The following HIPK3 variants were observed in gnomAD, a reference collection of about 807,000 sequenced individuals.
HIPK3 encodes homeodomain interacting protein kinase 3.
Under a neutral mutation model 124.2 loss-of-function variants are expected in HIPK3, and 47 were observed. The observed-to-expected ratio is 0.38, with a 90% CI of 0.30 to 0.48. HIPK3 has a LOEUF of 0.48. HIPK3 is among the 20% of genes least tolerant of loss of function. The pLI is 0.98. For missense variants in HIPK3, 1,286 were observed against 1,454.3 expected (o/e 0.88, Z 1.88); for synonymous variants, 482 against 515.2 (o/e 0.94, Z 0.87).
chr11:33,306,098 T>C (rs1011618718), intron 2 of HIPK3, among the ~76,000 whole-genome samples: 18 of 152,354 alleles, frequency 1.2e-4, no homozygotes, highest in African/African-American at 3.8e-4. Context: ...TTCGTCTAAC[T>C]TAATTTATAG....
At chr11:33,291,725 TTTTCTTTTTCTTTC>T in intron 2 of HIPK3, among the ~76,000 whole-genome samples, 1 of 152,092 alleles carries the variant, frequency 6.6e-6, no homozygotes, top group Non-Finnish European at 1.5e-5. Flanking sequence ...ATGAATTTCT[TTTTCTTTTTCTTTC>T]TTTCTTTTTA....
At chr11:33,317,985 G>A (rs1376720004) in intron 2 of HIPK3, among the ~76,000 whole-genome samples, 1 of 152,144 alleles carries the variant, frequency 6.6e-6, no homozygotes, top group Non-Finnish European at 1.5e-5. Flanking sequence ...GTATTTTAGA[G>A]GATGTCTATG....
At position 33,348,932 on chromosome 11, in the gene HIPK3, T is replaced by G. The variant is rs554693785; in HGVS notation, c.2666+114T>G. 2.9e-5 allele frequency: 30 copies of G among 1,043,906 alleles called. No individual in the cohort carries two copies. The African/African-American group carries it at 3.5e-4, about 12-fold the overall frequency. 64.7% of individuals were successfully genotyped at this position (1,043,906 alleles called of 1,614,324 possible). The stretch of plus-strand genomic sequence containing the variant: ...GTCAATGTACTCTGGAGTAAAACCT[T>G]TAAATTAGATAACCCAGTTCTAGAC... On this transcript the variant is annotated intron_variant, in intron 13 of 16. Coordinates refer to ENST00000303296, the MANE Select transcript of HIPK3 (RefSeq NM_005734.5).
intron 2 of HIPK3, among the ~76,000 whole-genome samples, chr11:33,308,077 C>A (rs776588576): frequency 3.9e-5 from 6 of 152,046 alleles, no homozygotes; most frequent in African/African-American, 1.5e-4. Flanking sequence ...TGATTTGCCA[C>A]CCATCTGGAA....
intron 2 of HIPK3, among the ~76,000 whole-genome samples, chr11:33,295,287 C>CCA (rs979596938): frequency 1.4e-5 from 2 of 145,946 alleles, no homozygotes; most frequent in Non-Finnish European, 3.0e-5. Flanking sequence ...GCCCCCCCCC[C>CCA]ACAACTCCAC....
chr11:33,292,174 G>T (rs1851716562), intron 2 of HIPK3, among the ~76,000 whole-genome samples: 1 of 152,136 alleles, frequency 6.6e-6, no homozygotes, highest in Non-Finnish European at 1.5e-5. Context: ...TCTCTATGGG[G>T]TAGTTAAGAC....
At chr11:33,302,667 G>T (rs1024140532) in intron 2 of HIPK3, among the ~76,000 whole-genome samples, 1 of 152,092 alleles carries the variant, frequency 6.6e-6, no homozygotes, top group Admixed American at 6.6e-5. Flanking sequence ...GTAAACCAGT[G>T]CGTTTGATTC....
chr11:33,320,681 G>A (rs766195146), intron 2 of HIPK3, among the ~76,000 whole-genome samples: 20 of 152,136 alleles, frequency 1.3e-4, no homozygotes, highest in Non-Finnish European at 2.2e-4. Flanking sequence ...TGCTGATGTG[G>A]GAAGTGAGAA....
chr11:33,312,000 C>CACACCAT (rs1308906571), intron 2 of HIPK3, among the ~76,000 whole-genome samples: 1 of 75,178 alleles, frequency 1.3e-5, no homozygotes, highest in South Asian at 4.1e-4. Flanking sequence ...ACACACACCA[C>CACACCAT]GAAAAAATAC....
chr11:33,307,587 T>C lies in HIPK3; in HGVS notation c.1097+20076T>C, dbSNP rs1044458232. Among the ~76,000 whole-genome samples the C allele has an allele frequency of 5.3e-5, 8 of 151,510 alleles. No individual in the cohort carries two copies. In the East Asian group the frequency reaches 1.6e-3, roughly 30 times the overall value. On this transcript the variant is annotated intron_variant, in intron 2 of 16. Coordinates refer to ENST00000303296, the MANE Select transcript of HIPK3 (RefSeq NM_005734.5). Reference sequence around the variant, plus strand: ...CTAATTTTTTTTTTTTTTGTATTTTTAGTAGAGACGGGGTTTCACCGTGTT... The same window carrying C: ...CTAATTTTTTTTTTTTTTGTATTTTCAGTAGAGACGGGGTTTCACCGTGTT...
chr11:33,307,754 T>TGG (rs879759939), intron 2 of HIPK3, among the ~76,000 whole-genome samples: 1 of 148,140 alleles, frequency 6.8e-6, no homozygotes, highest in Non-Finnish European at 1.5e-5. Context: ...TTATTCTTGT[T>TGG]GGTGTGTGTG....
chr11:33,312,415 G>A (rs773991960), intron 2 of HIPK3, among the ~76,000 whole-genome samples: 1 of 152,034 alleles, frequency 6.6e-6, no homozygotes, highest in Non-Finnish European at 1.5e-5. Flanking sequence ...AATTTTGTTG[G>A]CTATTCCGTA....
intron 2 of HIPK3, among the ~76,000 whole-genome samples, chr11:33,311,880 C>T (rs1852353117): frequency 2.3e-5 from 3 of 128,434 alleles, no homozygotes; most frequent in Admixed American, 1.6e-4. Flanking sequence ...TACACACACA[C>T]ACTTGGGCAA....
chr11:33,320,617 A>G (rs1324229931), intron 2 of HIPK3, among the ~76,000 whole-genome samples: 2 of 152,186 alleles, frequency 1.3e-5, no homozygotes, highest in Non-Finnish European at 2.9e-5. Context: ...CAGTAAAGGT[A>G]GTTACATTCT....
At chr11:33,303,144 C>T (rs185313824) in intron 2 of HIPK3, among the ~76,000 whole-genome samples, 142 of 152,230 alleles carry the variant, frequency 9.3e-4, no homozygotes, top group Non-Finnish European at 1.8e-3. Context: ...GGACCCCCCA[C>T]GGACATCAAA....
rs1850717454 is a variant in HIPK3 at position 33,258,134 on chromosome 11, G to C, written c.-3+245G>C. Among the ~76,000 whole-genome samples the C allele has an allele frequency of 2.0e-5, 3 of 152,078 alleles. No homozygotes were observed. The South Asian group carries it at 6.2e-4, about 31-fold the overall frequency. On this transcript the variant is annotated intron_variant, in intron 1 of 16. Transcript: ENST00000303296. ...CTCCCTCGAAGCCGGCGCCACGCCA[G>C]GCCCTGGGCCGCCGGACGCGGGGGC...
At chr11:33,264,239 C>T (rs916578302) in intron 1 of HIPK3, among the ~76,000 whole-genome samples, 2 of 151,920 alleles carry the variant, frequency 1.3e-5, no homozygotes, top group African/African-American at 2.4e-5. Context: ...AGTATTTGCT[C>T]ATTTGAGCTG....
At chr11:33,348,937 T>C in intron 13 of HIPK3, 119 bp downstream of exon 13, 1 of 1,016,940 alleles carries the variant, frequency 9.8e-7, no homozygotes, top group African/African-American at 1.6e-5. Context: ...AACCTTTAAA[T>C]TAGATAACCC....
Position 33,306,244 on chromosome 11 carries a change from T to G in HIPK3, c.1097+18733T>G, listed in dbSNP as rs536100686. Among the ~76,000 whole-genome samples the G allele has an allele frequency of 4.9e-4, 75 of 152,284 alleles. No individual in the cohort carries two copies. The South Asian group carries it at 7.9e-3, about 16-fold the overall frequency. ...GAGTAATAGTAAAATGAAAATAAAATTATACTTCTAATCTAAGGAAAGCAT... is the reference window on the plus strand; with the variant it reads ...GAGTAATAGTAAAATGAAAATAAAAGTATACTTCTAATCTAAGGAAAGCAT... On this transcript the variant is annotated intron_variant, in intron 2 of 16. Transcript: ENST00000303296.
Sources: allele counts gnomAD v4.1 joint callset (sites outside exome capture counted in the v4.1 genomes callset), GRCh38; gene constraint gnomAD v4.1.1; transcripts MANE v1.5; gene names NCBI Gene and HGNC (gene_info 2026-07-23, HGNC 2026-07-21).